Variants in HPS4 observed in about 807,000 individuals in gnomAD.
HPS4 encodes the protein BLOC-3 complex member HPS4.
Under a neutral mutation model 70.3 loss-of-function variants are expected in HPS4, and 44 were observed. The observed-to-expected ratio is 0.63, with a 90% confidence interval of 0.49 to 0.80. HPS4 has a LOEUF of 0.80. Among genes scored for constraint, HPS4 ranks in the 30% least tolerant of loss-of-function variants. The pLI, the probability that HPS4 is intolerant of heterozygous loss-of-function variation, is 0.00. For synonymous variants in HPS4, 377 were observed against 355.9 expected (o/e 1.06, Z -0.67); for missense variants, 873 against 884.4 (o/e 0.99, Z 0.16).
At chr22:26,458,081 G>C in intron 12 of HPS4, 114 bp from the exon 13 acceptor site, 1 of 915,642 alleles carries the variant, frequency 1.1e-6, no homozygotes, top group Non-Finnish European at 1.7e-6. Flanking sequence ...CCATGAGTTG[G>C]CTGCCCGGGG....
intron 4 of HPS4, chr22:26,475,424 C>G (rs1244786954): frequency 6.9e-6 from 1 of 144,122 alleles, no homozygotes; most frequent in Non-Finnish European, 1.5e-5. Flanking sequence ...GCGATCTCAG[C>G]TCACTGTAAC....
intron 3 of HPS4, among the ~76,000 whole-genome samples, chr22:26,478,656 T>A (rs2090911029): frequency 6.6e-6 from 1 of 152,032 alleles, no homozygotes; most frequent in Non-Finnish European, 1.5e-5. Context: ...CTTGCCTCTC[T>A]GTTTTTGTAT....
Position 26,452,797 on chromosome 22 carries a change from T to G in HPS4, c.*436A>C, listed in dbSNP as rs2085425470. Reference sequence around the variant, plus strand: ...CCTGCTCACAGATCCGGCACCTCGCTGTGCAGTCACACCGCCTACCACCAC... The same window carrying G: ...CCTGCTCACAGATCCGGCACCTCGCGGTGCAGTCACACCGCCTACCACCAC... On this transcript the variant is annotated 3_prime_UTR_variant, in exon 14 of 14. Transcript: ENST00000398145. The G allele has an allele frequency of 7.7e-6, 2 of 258,766 alleles. No individual in the cohort carries two copies. Among genetic ancestry groups the G allele is most frequent in the South Asian group, 8.7e-5 (2 of 22,860 alleles). The allele number at this position is 258,766 out of a possible 1,614,324, so 16.0% of individuals were successfully genotyped here.
At chr22:26,480,110 G>A (rs957632738) in intron 2 of HPS4, among the ~76,000 whole-genome samples, 2 of 152,084 alleles carry the variant, frequency 1.3e-5, no homozygotes, top group Non-Finnish European at 1.5e-5. Flanking sequence ...ACTATATTAC[G>A]TAATGTTATT....
chr22:26,448,034 C>T (rs1197783292), downstream of HPS4, among the ~76,000 whole-genome samples: 1 of 152,194 alleles, frequency 6.6e-6, no homozygotes, highest in Non-Finnish European at 1.5e-5. Context: ...CTGACATGAA[C>T]AAGGTCACGC....
At chr22:26,466,300 C>T (rs766342530) in intron 8 of HPS4, 38 bp from the exon 9 acceptor site, 1 of 1,610,866 alleles carries the variant, frequency 6.2e-7, no homozygotes, top group Non-Finnish European at 8.5e-7. Flanking sequence ...CGCTGGGCAC[C>T]ACATTCTCCT....
In HPS4 at chr22:26,482,015, G is replaced by A. The variant is rs3747134; in HGVS notation, c.-253C>T. On this transcript the variant is annotated 5_prime_UTR_variant, in exon 2 of 14. Transcript: ENST00000398145. ...TACAACTCAGGGAGAAACTATAACA[G>A]AGAATCCTAGCAGAAAAGTCAAATC... 0.85 allele frequency: 438,528 copies of A among 513,228 alleles called. 189,039 individuals carry two copies. Among genetic ancestry groups the A allele is most frequent in the South Asian group, 0.91 (43,250 of 47,752 alleles). 31.8% of individuals were successfully genotyped at this position (513,228 alleles called of 1,614,324 possible). A position where few individuals can be genotyped will look rare whatever the true frequency, so the allele number is the denominator to read the frequency against.
intron 11 of HPS4, 32 bp from the exon 12 acceptor site, chr22:26,458,609 G>T: frequency 6.2e-7 from 1 of 1,613,102 alleles, no homozygotes; most frequent in South Asian, 1.1e-5. Context: ...TGGGCTTGTA[G>T]GGCTGACCTC....
At chr22:26,471,346 T>C in intron 6 of HPS4, 1 of 456,170 alleles carries the variant, frequency 2.2e-6, no homozygotes, top group South Asian at 1.5e-5. Flanking sequence ...GAAATATGCC[T>C]CAGTTCCACA....
intron 13 of HPS4, chr22:26,453,637 C>A (rs779709959): frequency 7.3e-5 from 42 of 571,884 alleles, no homozygotes; most frequent in Non-Finnish European, 1.1e-4. Flanking sequence ...GCGGGACCAT[C>A]CACAGTGGCA....
At chr22:26,469,837 G>GATAAGAACCA (rs2089480955) in intron 7 of HPS4, among the ~76,000 whole-genome samples, 2 of 152,106 alleles carry the variant, frequency 1.3e-5, no homozygotes, top group Non-Finnish European at 2.9e-5. Flanking sequence ...GATAAGAACC[G>GATAAGAACCA]GGGCAAGGAA....
At chr22:26,458,325 A>G (rs1422409412) in intron 12 of HPS4, 120 bp downstream of exon 12, 1 of 1,278,530 alleles carries the variant, frequency 7.8e-7, no homozygotes, top group African/African-American at 1.5e-5. Flanking sequence ...AGAGCCCTGA[A>G]CGCAGGTCAG....
chr22:26,470,913 A>G (rs1231166024), intron 6 of HPS4, 100 bp from the exon 7 acceptor site: 1 of 1,563,604 alleles, frequency 6.4e-7, no homozygotes, highest in Non-Finnish European at 8.7e-7. Flanking sequence ...GACAGGGTGT[A>G]GCTCAAAGCC....
At chr22:26,460,375 G>A (rs1313409924) in intron 11 of HPS4, among the ~76,000 whole-genome samples, 16 of 152,224 alleles carry the variant, frequency 1.1e-4, no homozygotes, top group Admixed American at 5.2e-4. Flanking sequence ...TTGAACAGAT[G>A]TGTGTGTGTG....
rs772812827 is a variant in HPS4 at position 26,472,842 on chromosome 22, AG to A, written c.373del (p.Leu125Ter). On this transcript the variant is annotated frameshift_variant, in exon 5 of 14. Coordinates refer to ENST00000398145, the MANE Select transcript of HPS4 (RefSeq NM_022081.6). LOFTEE classifies it high-confidence loss of function. ...FFNFYNGPVS[L>X]AYENCSQEEL... ...ACCCCATACTTGTACCTCATAAGCT[AG>A]GGAAACAGGTCCATTGTAAAAATTA... The A allele has an allele frequency of 6.2e-7, 1 of 1,613,268 alleles. No individual in the cohort carries two copies. The highest frequency in any genetic ancestry group is 2.2e-5 in the East Asian group (1 of 44,890).
rs776169421 is a variant in HPS4, at chr22:26,458,504, G to A, written c.1787C>T (p.Ala596Val). ...LKETLPRDEA[A>V]STSSTYNFTH... ...GAAGTTGTAGGTGCTGCTCGTGGAG[G>A]CTGCCTCATCCCTGGGCAGCGTCTC... Residue 596 changes from alanine (A) to valine (V), a missense_variant, in exon 12 of 14, where the codon GCC becomes GTC. By Grantham distance (64) the Ala-to-Val change is moderately conservative. Transcript: ENST00000398145. The A allele has an allele frequency of 6.2e-7, 1 of 1,614,118 alleles. No homozygotes were observed. Among genetic ancestry groups the A allele is most frequent in the Non-Finnish European group, 8.5e-7 (1 of 1,179,996 alleles).
At chr22:26,464,974 A>G in intron 10 of HPS4, 148 bp from the exon 11 acceptor site, 1 of 701,748 alleles carries the variant, frequency 1.4e-6, no homozygotes, top group South Asian at 2.0e-5. Context: ...TTAAATCACA[A>G]GAGTAAAAAT....
intron 11 of HPS4, among the ~76,000 whole-genome samples, chr22:26,461,637 C>CT (rs2087295583): frequency 6.6e-6 from 1 of 152,154 alleles, no homozygotes. Context: ...CTCACCGTAA[C>CT]TGGGGGTATT....
In HPS4 at chr22:26,452,322, C is replaced by T. The variant is rs927560561; in HGVS notation, c.*911G>A. ...CTGTCAAAAAAATGTCTGACTATAA[C>T]GTAATAGAACTGAGGTTCTAAGTAC... On this transcript the variant is annotated 3_prime_UTR_variant, in exon 14 of 14. Transcript: ENST00000398145. The T allele has an allele frequency of 2.6e-5, 12 of 456,454 alleles. No individual in the cohort carries two copies. Among genetic ancestry groups the T allele is most frequent in the African/African-American group, 6.0e-5 (3 of 50,018 alleles). The allele number at this position is 456,454 out of a possible 1,614,324, so 28.3% of individuals were successfully genotyped here. A position where few individuals can be genotyped will look rare whatever the true frequency, so the allele number is the denominator to read the frequency against.
Sources: gnomAD v4.1 joint callset for allele counts (sites outside exome capture counted in the v4.1 genomes callset) on GRCh38, gnomAD v4.1.1 for gene constraint, MANE v1.5 for transcripts, NCBI Gene and HGNC (gene_info 2026-07-23, HGNC 2026-07-21) for gene names.